The following BBX variants were observed in gnomAD, a reference collection of about 807,000 sequenced individuals.
BBX encodes the protein HMG box transcription factor BBX.
In BBX, 30 loss-of-function variants were observed where a neutral mutation model predicts 100.2. That is an observed-to-expected ratio of 0.30 (90% confidence interval 0.22 to 0.41). BBX has a LOEUF of 0.41. Ranked by LOEUF, BBX falls within the 10% of genes least tolerant of loss-of-function variation. The pLI is 1.00. For missense variants in BBX, 1,023 were observed against 1,129.8 expected (o/e 0.91, Z 1.35); for synonymous variants, 376 against 388.1 (o/e 0.97, Z 0.37).
chr3:107,629,815 T>C (rs1390414255), intron 2 of BBX, among the ~76,000 whole-genome samples: 1 of 152,184 alleles, frequency 6.6e-6, no homozygotes, highest in Admixed American at 6.5e-5. Context: ...CTCTTCCTTA[T>C]TGCTTTGTGA....
intron 2 of BBX, among the ~76,000 whole-genome samples, chr3:107,561,060 A>G (rs1247389322): frequency 6.6e-6 from 1 of 152,190 alleles, no homozygotes; most frequent in African/African-American, 2.4e-5. Context: ...CATAGTCGTG[A>G]CAATCAAAAA....
At chr3:107,610,505 T>C (rs1360462531) in intron 2 of BBX, among the ~76,000 whole-genome samples, 1 of 152,102 alleles carries the variant, frequency 6.6e-6, no homozygotes, top group South Asian at 2.1e-4. Context: ...TAATATTTTA[T>C]TTATGTATCT....
chr3:107,527,687 A>C (rs900693711), intron 2 of BBX, among the ~76,000 whole-genome samples: 3 of 152,214 alleles, frequency 2.0e-5, no homozygotes. Flanking sequence ...GCTGATAATT[A>C]GGTGGTTTGT....
intron 3 of BBX, among the ~76,000 whole-genome samples, chr3:107,678,694 T>C (rs2059411863): frequency 6.6e-6 from 1 of 152,072 alleles, no homozygotes. Context: ...CTACTGCACT[T>C]CAGCCTCGGC....
intron 2 of BBX, among the ~76,000 whole-genome samples, chr3:107,597,604 ATG>A (rs1288482221): frequency 6.6e-6 from 1 of 152,206 alleles, no homozygotes; most frequent in African/African-American, 2.4e-5. Context: ...AGTTGAAAGA[ATG>A]AGAGTACTTA....
At chr3:107,739,949 C>T (rs927431929) in intron 7 of BBX, among the ~76,000 whole-genome samples, 1 of 152,082 alleles carries the variant, frequency 6.6e-6, no homozygotes, top group Non-Finnish European at 1.5e-5. Context: ...AGTGCTCAGC[C>T]ACACAGATTA....
At chr3:107,774,152 G>A (rs1415599272) in intron 11 of BBX, among the ~76,000 whole-genome samples, 2 of 152,142 alleles carry the variant, frequency 1.3e-5, no homozygotes, top group African/African-American at 2.4e-5. Context: ...CATTTGAACC[G>A]AAGAGCTCTT....
chr3:107,693,674 C>T lies in BBX; in HGVS notation c.-9-16778C>T, dbSNP rs1194976664. ...TTCTTTTGGCTCAGGATTGACTTGG[C>T]GATGCGGGCTCTTTTTTGGTTCCAT... On this transcript the variant is annotated intron_variant, in intron 3 of 17. Coordinates refer to ENST00000325805, the MANE Select transcript of BBX (RefSeq NM_001142568.3). Among the ~76,000 whole-genome samples the T allele has an allele frequency of 3.2e-4, 49 of 151,854 alleles. 4 individuals carry two copies. Among genetic ancestry groups the T allele is most frequent in the African/African-American group, 9.5e-4 (39 of 41,182 alleles).
At chr3:107,648,134 A>C (rs530002710) in intron 3 of BBX, among the ~76,000 whole-genome samples, 2 of 152,210 alleles carry the variant, frequency 1.3e-5, no homozygotes, top group Middle Eastern at 3.2e-3. Flanking sequence ...CACATAATGT[A>C]TTAAAGATTC....
rs1185516880 is a variant in BBX, at chr3:107,599,764, T to C, written c.-83-46072T>C. Among the ~76,000 whole-genome samples, 13 of 152,326 alleles carry C rather than the reference T, an allele frequency of 8.5e-5. No homozygotes were observed. In the East Asian group the frequency reaches 2.5e-3, roughly 29 times the overall value. ...ATGGTAAAAAAGGTTAAATATGTGC[T>C]TCGTCCCCACATCAGGACTCCTGAA... On this transcript the variant is annotated intron_variant, in intron 2 of 17. Transcript: ENST00000325805.
chr3:107,529,675 A>C (rs2048020810), intron 2 of BBX, among the ~76,000 whole-genome samples: 1 of 152,236 alleles, frequency 6.6e-6, no homozygotes, highest in Non-Finnish European at 1.5e-5. Context: ...TACCTGTGGA[A>C]AGCACTTTTT....
At chr3:107,765,141 A>G (rs1206357719) in intron 10 of BBX, among the ~76,000 whole-genome samples, 3 of 152,224 alleles carry the variant, frequency 2.0e-5, no homozygotes, top group Non-Finnish European at 4.4e-5. Flanking sequence ...TATTAATGAT[A>G]CTAATATGAG....
intron 13 of BBX, among the ~76,000 whole-genome samples, chr3:107,782,757 C>T (rs2068025011): frequency 6.6e-6 from 1 of 152,106 alleles, no homozygotes; most frequent in Non-Finnish European, 1.5e-5. Flanking sequence ...GAGATTGATA[C>T]CTTCAGAATA....
intron 5 of BBX, among the ~76,000 whole-genome samples, chr3:107,726,209 T>C (rs1168018382): frequency 6.6e-6 from 1 of 152,056 alleles, no homozygotes; most frequent in Non-Finnish European, 1.5e-5. Context: ...ATTAAGCCTT[T>C]CTACTATTGT....
At chr3:107,672,799 A>G (rs1028399302) in intron 3 of BBX, among the ~76,000 whole-genome samples, 3 of 152,080 alleles carry the variant, frequency 2.0e-5, no homozygotes, top group African/African-American at 7.2e-5. Flanking sequence ...GGTCATTTTA[A>G]TGAAGTAAAT....
chr3:107,649,297 A>G (rs1176658950), intron 3 of BBX, among the ~76,000 whole-genome samples: 14 of 152,202 alleles, frequency 9.2e-5, no homozygotes, highest in Admixed American at 6.5e-4. Context: ...CAACATCTGC[A>G]TATCTTAAAA....
intron 2 of BBX, among the ~76,000 whole-genome samples, chr3:107,541,810 A>G (rs2048887496): frequency 6.6e-6 from 1 of 151,916 alleles, no homozygotes; most frequent in African/African-American, 2.4e-5. Context: ...AAGTATAAGC[A>G]AATTCTATAA....
chr3:107,756,001 C>T (rs1278832301), intron 10 of BBX, among the ~76,000 whole-genome samples: 1 of 152,084 alleles, frequency 6.6e-6, no homozygotes, highest in East Asian at 1.9e-4. Context: ...TTTTCTGATT[C>T]CCGTAAACCG....
At chr3:107,698,271 A>G (rs2060795516) in intron 3 of BBX, among the ~76,000 whole-genome samples, 1 of 151,802 alleles carries the variant, frequency 6.6e-6, no homozygotes, top group African/African-American at 2.4e-5. Flanking sequence ...TATGAAAGAA[A>G]AATTACCTTT....
Sources: gnomAD v4.1 joint callset for allele counts (sites outside exome capture counted in the v4.1 genomes callset) on GRCh38, gnomAD v4.1.1 for gene constraint, MANE v1.5 for transcripts, NCBI Gene and HGNC (gene_info 2026-07-23, HGNC 2026-07-21) for gene names.